KAZN: variants seen among roughly 807,000 people sequenced by gnomAD.
The protein encoded by KAZN is kazrin.
In KAZN, 40 loss-of-function variants were observed where a neutral mutation model predicts 87.4. The ratio of observed to expected loss-of-function variants is 0.46; its 90% CI spans 0.36 to 0.60. The LOEUF is 0.60. Among genes scored for constraint, KAZN ranks in the 20% least tolerant of loss-of-function variants. The pLI is 0.00. For synonymous variants in KAZN, 466 were observed against 458.3 expected, an observed-to-expected ratio of 1.02 and a Z score of -0.22; for missense variants, 898 against 1,073.9, an observed-to-expected ratio of 0.84 and a Z score of 2.29.
chr1:14,203,325 C>T (rs1300782706), intron 2 of KAZN, among the ~76,000 whole-genome samples: 1 of 152,186 alleles, frequency 6.6e-6, no homozygotes, highest in East Asian at 1.9e-4. Flanking sequence ...CTTCAGGGCA[C>T]AGCCATGAAC....
At chr1:14,492,938 T>A (rs1260791596) in intron 2 of KAZN, among the ~76,000 whole-genome samples, 1 of 152,004 alleles carries the variant, frequency 6.6e-6, no homozygotes, top group South Asian at 2.1e-4. Context: ...CCTCTTGACC[T>A]GGACATTCCT....
At chr1:14,460,998 G>T (rs542310771) in intron 2 of KAZN, among the ~76,000 whole-genome samples, 63 of 152,256 alleles carry the variant, frequency 4.1e-4, no homozygotes, top group Non-Finnish European at 7.2e-4. Context: ...TGGACCCTGC[G>T]CTGTCGTCTG....
chr1:14,427,948 G>A (rs1665832444), intron 2 of KAZN, among the ~76,000 whole-genome samples: 1 of 152,112 alleles, frequency 6.6e-6, no homozygotes, highest in African/African-American at 2.4e-5. Context: ...TTTCTTTCAG[G>A]CTGACGATTG....
chr1:14,186,030 G>A (rs1646298178), intron 2 of KAZN, among the ~76,000 whole-genome samples: 1 of 152,156 alleles, frequency 6.6e-6, no homozygotes, highest in Admixed American at 6.5e-5. Context: ...CTTGGGGTGA[G>A]TGATGCTTGA....
intron 2 of KAZN, among the ~76,000 whole-genome samples, chr1:14,442,805 C>G (rs1666773823): frequency 6.6e-6 from 1 of 152,232 alleles, no homozygotes. Context: ...ACCGAAAGCA[C>G]TTCCCATAAA....
rs80267391 is a variant in KAZN at position 13,964,064 on chromosome 1, G to C, written c.91+70308G>C. ...ATTTGCAAGTGCTCAAATAGTGGTG[G>C]TAGGGGTTGTTAACACTCTTCATCC... On this transcript the variant is annotated intron_variant, in intron 1 of 16. Coordinates refer to the KAZN transcript ENST00000636203. Among the ~76,000 whole-genome samples, 811 of 152,268 alleles carry C rather than the reference G, an allele frequency of 5.3e-3. 6 individuals carry two copies. The highest frequency in any genetic ancestry group is 0.024 in the South Asian group (115 of 4,826).
chr1:14,791,635 C>G (rs1645676581), intron 1 of KAZN, among the ~76,000 whole-genome samples: 2 of 152,154 alleles, frequency 1.3e-5, no homozygotes, highest in Admixed American at 1.3e-4. Flanking sequence ...AGAAGATGCC[C>G]AAGAGTCCAC....
At chr1:13,972,246 T>C (rs546644746) in intron 1 of KAZN, among the ~76,000 whole-genome samples, 4 of 151,588 alleles carry the variant, frequency 2.6e-5, no homozygotes, top group South Asian at 2.1e-4. Flanking sequence ...ATGTGTAAAA[T>C]GCCACCCTAC....
At chr1:14,118,287 AG>A (rs558977239) in intron 1 of KAZN, among the ~76,000 whole-genome samples, 136 of 152,356 alleles carry the variant, frequency 8.9e-4, no homozygotes, top group Middle Eastern at 6.8e-3. Flanking sequence ...ATCTATCAGT[AG>A]GGGCCAAGGC....
At chr1:13,945,473 C>CAAAA (rs35661143) in intron 1 of KAZN, among the ~76,000 whole-genome samples, 1 of 110,292 alleles carries the variant, frequency 9.1e-6, no homozygotes, top group Non-Finnish European at 1.9e-5. Context: ...GAGTCCGTCT[C>CAAAA]AAAAAAAAAA....
At chr1:14,542,338 A>G (rs1001354409) in intron 2 of KAZN, among the ~76,000 whole-genome samples, 4 of 151,480 alleles carry the variant, frequency 2.6e-5, no homozygotes, top group Non-Finnish European at 4.4e-5. Flanking sequence ...AGATATACCT[A>G]ATGCTAAATG....
At chr1:13,956,609 C>A (rs888501163) in intron 1 of KAZN, among the ~76,000 whole-genome samples, 2 of 152,222 alleles carry the variant, frequency 1.3e-5, no homozygotes, top group African/African-American at 4.8e-5. Flanking sequence ...GTACTCCAAG[C>A]ATGGCCCACC....
At chr1:15,068,729 C>T (rs1411899325) in intron 8 of KAZN, among the ~76,000 whole-genome samples, 20 of 151,956 alleles carry the variant, frequency 1.3e-4, no homozygotes, top group Admixed American at 6.6e-4. Flanking sequence ...CTGTATGTCC[C>T]GAGAAGAGGG....
At chr1:14,002,997 A>G (rs1007938397) in intron 1 of KAZN, among the ~76,000 whole-genome samples, 2 of 152,252 alleles carry the variant, frequency 1.3e-5, no homozygotes, top group Admixed American at 6.5e-5. Context: ...AATGTGGTAC[A>G]TATATGCCAT....
intron 1 of KAZN, among the ~76,000 whole-genome samples, chr1:14,160,843 A>G (rs1055553302): frequency 1.3e-5 from 2 of 152,206 alleles, no homozygotes; most frequent in African/African-American, 2.4e-5. Flanking sequence ...TTTTGAAGCT[A>G]TGTTTTAGAA....
At chr1:14,553,815 A>C (rs1373770427) in intron 2 of KAZN, among the ~76,000 whole-genome samples, 1 of 152,062 alleles carries the variant, frequency 6.6e-6, no homozygotes, top group Non-Finnish European at 1.5e-5. Context: ...CAAACATCAG[A>C]CTTTCCTGGT....
At chr1:14,364,913 G>GT (rs1262667606) in intron 2 of KAZN, among the ~76,000 whole-genome samples, 1 of 151,972 alleles carries the variant, frequency 6.6e-6, no homozygotes. Flanking sequence ...GTTTTGTTTT[G>GT]TTTGTTTGTT....
chr1:14,603,174 A>G (rs1677110227), intron 1 of KAZN, among the ~76,000 whole-genome samples: 1 of 152,230 alleles, frequency 6.6e-6, no homozygotes, highest in South Asian at 2.1e-4. Flanking sequence ...GTCTTTTGGC[A>G]TCCCCTTCTC....
At chr1:14,214,817 T>A (rs677769) in intron 2 of KAZN, among the ~76,000 whole-genome samples, 1 of 152,116 alleles carries the variant, frequency 6.6e-6, no homozygotes, top group Non-Finnish European at 1.5e-5. Flanking sequence ...GTGAGCACAA[T>A]TGCAAGTGCA....
Sources: gnomAD v4.1 joint callset for allele counts (sites outside exome capture counted in the v4.1 genomes callset) on GRCh38, gnomAD v4.1.1 for gene constraint, MANE v1.5 for transcripts, NCBI Gene and HGNC (gene_info 2026-07-23, HGNC 2026-07-21) for gene names.